Variants in TMEM108 observed in about 807,000 individuals in gnomAD.
TMEM108 encodes the protein cancer/testis antigen 124.
TMEM108 carries 12 observed loss-of-function variants against 35.1 expected under a neutral mutation model. The ratio of observed to expected loss-of-function variants is 0.34; its 90% CI spans 0.22 to 0.55. The LOEUF is 0.55. Ranked by LOEUF, TMEM108 falls within the 20% of genes least tolerant of loss-of-function variation. TMEM108 has a pLI of 0.89. For missense variants in TMEM108, 680 were observed against 753.3 expected (o/e 0.90, Z 1.14); for synonymous variants, 287 against 308.6 (o/e 0.93, Z 0.73).
intron 2 of TMEM108, among the ~76,000 whole-genome samples, chr3:133,173,950 G>A (rs1049601947): frequency 1.3e-4 from 20 of 152,172 alleles, no homozygotes; most frequent in East Asian, 1.9e-4. Flanking sequence ...GGTGACAGAC[G>A]GCACCTGGAA....
chr3:133,394,976 G>C (rs750883015), intron 5 of TMEM108, among the ~76,000 whole-genome samples: 3 of 152,212 alleles, frequency 2.0e-5, no homozygotes, highest in African/African-American at 4.8e-5. Context: ...CAAGACATTA[G>C]CTGTTTTAAT....
intron 2 of TMEM108, among the ~76,000 whole-genome samples, chr3:133,190,593 G>C (rs959400756): frequency 1.3e-5 from 2 of 152,198 alleles, no homozygotes; most frequent in African/African-American, 4.8e-5. Flanking sequence ...AAGGACATCT[G>C]ATTACTCTGG....
intron 2 of TMEM108, among the ~76,000 whole-genome samples, chr3:133,101,408 A>G (rs1201496078): frequency 6.6e-6 from 1 of 152,142 alleles, no homozygotes; most frequent in Non-Finnish European, 1.5e-5. Flanking sequence ...CATATTTCCA[A>G]CGTGATCCTT....
In TMEM108 at chr3:133,203,990, G is replaced by A. The variant is rs1321792761; in HGVS notation, c.-46-25276G>A. ...TTTCAGACCTTGTTATTGGTCTATT[G>A]AGGGATTTGATTTCTTCCTGGTTTA... On this transcript the variant is annotated intron_variant, in intron 2 of 5. Transcript: ENST00000321871. Among the ~76,000 whole-genome samples the A allele has an allele frequency of 3.3e-5, 5 of 152,042 alleles. No homozygotes were observed. The East Asian group carries it at 9.6e-4, about 29-fold the overall frequency.
At chr3:133,208,873 C>T (rs1274008315) in intron 2 of TMEM108, among the ~76,000 whole-genome samples, 1 of 152,162 alleles carries the variant, frequency 6.6e-6, no homozygotes, top group African/African-American at 2.4e-5. Flanking sequence ...CTTCAGAAAC[C>T]TTGTCTTCCT....
intron 3 of TMEM108, among the ~76,000 whole-genome samples, chr3:133,242,359 T>C (rs1946325506): frequency 6.6e-6 from 1 of 152,052 alleles, no homozygotes. Context: ...AAGTGGAGGG[T>C]ACAGGCCAAG....
chr3:133,064,885 T>C (rs911222859), intron 2 of TMEM108, among the ~76,000 whole-genome samples: 1 of 152,102 alleles, frequency 6.6e-6, no homozygotes, highest in African/African-American at 2.4e-5. Context: ...ACAGCCAAAG[T>C]TGGTTTACTG....
intron 2 of TMEM108, among the ~76,000 whole-genome samples, chr3:133,198,677 A>C (rs571474397): frequency 2.0e-5 from 3 of 152,340 alleles, no homozygotes; most frequent in African/African-American, 7.2e-5. Flanking sequence ...ATCTTTTGTA[A>C]AGATTAAAAT....
At chr3:133,241,390 C>T (rs1302225772) in intron 3 of TMEM108, among the ~76,000 whole-genome samples, 1 of 152,186 alleles carries the variant, frequency 6.6e-6, no homozygotes, top group African/African-American at 2.4e-5. Flanking sequence ...CTCTTTGCTC[C>T]TCCCCTCAGA....
chr3:133,240,617 A>G (rs776791378), intron 3 of TMEM108, among the ~76,000 whole-genome samples: 107 of 152,196 alleles, frequency 7.0e-4, no homozygotes, highest in Non-Finnish European at 1.2e-3. Context: ...TCTATAGGAA[A>G]GTATTTTTGC....
At chr3:133,083,890 A>T (rs1187741218) in intron 2 of TMEM108, among the ~76,000 whole-genome samples, 1 of 152,080 alleles carries the variant, frequency 6.6e-6, no homozygotes, top group East Asian at 1.9e-4. Context: ...AAAAAAAGGC[A>T]TATGGTAATC....
At chr3:133,087,783 T>C (rs780167328) in intron 2 of TMEM108, among the ~76,000 whole-genome samples, 26 of 152,276 alleles carry the variant, frequency 1.7e-4, no homozygotes, top group South Asian at 4.1e-4. Flanking sequence ...CACTGAGTGT[T>C]GTCACCTTTC....
Position 133,297,221 on chromosome 3 carries a change from C to T in TMEM108, c.40+67870C>T, listed in dbSNP as rs1947158368. ...GTGTGCGTGGCTGAGGCACACTTCC[C>T]TCTGCCTGAGACAGATGTCAGGGTA... On this transcript the variant is annotated intron_variant, in intron 3 of 5. Coordinates refer to ENST00000321871, the MANE Select transcript of TMEM108 (RefSeq NM_023943.4). 3.3e-5 allele frequency among the ~76,000 whole-genome samples: 5 copies of T among 152,156 alleles called. No individual in the cohort carries two copies. In the South Asian group the frequency reaches 1.0e-3, roughly 32 times the overall value.
chr3:133,097,171 A>G (rs1379659188), intron 2 of TMEM108, among the ~76,000 whole-genome samples: 1 of 152,256 alleles, frequency 6.6e-6, no homozygotes, highest in South Asian at 2.1e-4. Flanking sequence ...ACTCAAGGTT[A>G]ATATCTCTGC....
chr3:133,150,012 A>G (rs1944775073), intron 2 of TMEM108, among the ~76,000 whole-genome samples: 1 of 152,146 alleles, frequency 6.6e-6, no homozygotes, highest in South Asian at 2.1e-4. Flanking sequence ...ACCCAGAAGT[A>G]GGAGTGCAGG....
At chr3:133,094,596 A>G (rs1369206989) in intron 2 of TMEM108, among the ~76,000 whole-genome samples, 1 of 152,142 alleles carries the variant, frequency 6.6e-6, no homozygotes, top group Non-Finnish European at 1.5e-5. Flanking sequence ...CGCTCCCTCC[A>G]TATCGCCAGC....
intron 2 of TMEM108, among the ~76,000 whole-genome samples, chr3:133,146,430 T>C (rs1303828779): frequency 6.6e-6 from 1 of 152,298 alleles, no homozygotes; most frequent in Non-Finnish European, 1.5e-5. Flanking sequence ...GTTTTCTTTT[T>C]TTGTAGTGTT....
At chr3:133,065,795 A>G (rs1262456199) in intron 2 of TMEM108, among the ~76,000 whole-genome samples, 4 of 152,200 alleles carry the variant, frequency 2.6e-5, no homozygotes, top group Admixed American at 2.6e-4. Flanking sequence ...TACATAGTTC[A>G]GCCATTTTCA....
At chr3:133,223,273 A>G (rs1357998872) in intron 2 of TMEM108, among the ~76,000 whole-genome samples, 1 of 152,124 alleles carries the variant, frequency 6.6e-6, no homozygotes, top group Non-Finnish European at 1.5e-5. Context: ...AGAGATTCTG[A>G]GCAGGTCGTC....
Sources: gnomAD v4.1 joint callset for allele counts (sites outside exome capture counted in the v4.1 genomes callset) on GRCh38, gnomAD v4.1.1 for gene constraint, MANE v1.5 for transcripts, NCBI Gene and HGNC (gene_info 2026-07-23, HGNC 2026-07-21) for gene names.